Variants in SLC25A24 observed in about 807,000 individuals in gnomAD.
SLC25A24 encodes the protein mitochondrial adenyl nucleotide antiporter SLC25A24.
SLC25A24 carries 49 observed loss-of-function variants against 60.7 expected under a neutral mutation model. That is an observed-to-expected ratio of 0.81 (90% CI 0.64 to 1.02). SLC25A24 has a LOEUF of 1.02. SLC25A24 is among the 50% of genes least tolerant of loss of function. The pLI, the probability that SLC25A24 is intolerant of heterozygous loss-of-function variation, is 0.00. For missense variants in SLC25A24, 564 were observed against 586.3 expected, an observed-to-expected ratio of 0.96 and a Z score of 0.39; for synonymous variants, 202 against 200.6, an observed-to-expected ratio of 1.01 and a Z score of -0.06.
intron 3 of SLC25A24, among the ~76,000 whole-genome samples, chr1:108,174,820 T>A (rs1217931610): frequency 6.6e-6 from 1 of 152,204 alleles, no homozygotes; most frequent in Non-Finnish European, 1.5e-5. Flanking sequence ...AGCTTTAAGA[T>A]TTGACTATTC....
At chr1:108,148,441 C>T in intron 6 of SLC25A24, 55 bp from the exon 7 acceptor site, 1 of 961,096 alleles carries the variant, frequency 1.0e-6, no homozygotes, top group Middle Eastern at 2.5e-4. Context: ...CTGAGCTGCA[C>T]CCCCACCAAA....
intron 1 of SLC25A24, among the ~76,000 whole-genome samples, chr1:108,189,690 C>G (rs1326111937): frequency 1.3e-5 from 2 of 151,692 alleles, no homozygotes; most frequent in East Asian, 1.9e-4. Flanking sequence ...GTGGCACACG[C>G]CTGTAGTCCC....
chr1:108,136,832 A>C lies in SLC25A24; in HGVS notation c.1255T>G (p.Leu419Val). The C allele has an allele frequency of 6.2e-7, 1 of 1,612,510 alleles. No individual in the cohort carries two copies. The highest frequency in any genetic ancestry group is 1.1e-5 in the South Asian group (1 of 90,600). ...ATATTCAGCTGTGGGGAACCTTCTA[A>C]CATGGCTAAAAAATAAAAAAAGAGG... is the stretch of plus-strand genomic sequence containing the variant. Reference protein sequence around the residue: ...VRTRMQAQAMLEGSPQLNMVG... With the variant: ...VRTRMQAQAMVEGSPQLNMVG... Residue 419 changes from leucine to valine, a missense_variant, in exon 10 of 10, where the codon TTA (leucine) becomes GTA (valine). Transcript: ENST00000565488.
chr1:108,157,529 C>G lies in SLC25A24; in HGVS notation c.602G>C (p.Gly201Ala). The change falls in exon 5 of 10, where the codon GGA becomes GCA. Residue 201 changes from glycine (G) to alanine (A), a missense_variant. Physicochemically the swap from Gly to Ala is moderately conservative, Grantham distance 60. Transcript: ENST00000565488. ...SGQWWRQLLA[G>A]GIAGAVSRTS... ...TCGAGAGACAGCACCAGCAATGCCT[C>G]CTGCCAAAAGCTGCCTCCACCATTG... The G allele has an allele frequency of 2.5e-6, 4 of 1,614,162 alleles. No homozygotes were observed. The highest frequency in any genetic ancestry group is 3.4e-6 in the Non-Finnish European group (4 of 1,180,038).
chr1:108,139,577 A>G lies in SLC25A24; in HGVS notation c.1099-369T>C, dbSNP rs538511595. 6.1e-4 allele frequency among the ~76,000 whole-genome samples: 93 copies of G among 152,292 alleles called. No homozygotes were observed. The South Asian group carries it at 0.016, about 27-fold the overall frequency. On this transcript the variant is annotated intron_variant, in intron 8 of 9. Transcript: ENST00000565488. ...ATTTGAGCCTTACAGAAACTCTTACATAAATCTATTATTCTGATTTTAGAA... is the reference window on the plus strand; with the variant it reads ...ATTTGAGCCTTACAGAAACTCTTACGTAAATCTATTATTCTGATTTTAGAA...
chr1:108,173,087 T>A (rs2101630175), intron 3 of SLC25A24, among the ~76,000 whole-genome samples: 1 of 152,124 alleles, frequency 6.6e-6, no homozygotes, highest in South Asian at 2.1e-4. Flanking sequence ...AAAAGACAGT[T>A]CAGATATGGT....
In SLC25A24 at chr1:108,136,543, G is replaced by GA. The variant is rs1315638418; in HGVS notation, c.*109dup. On this transcript the variant is annotated 3_prime_UTR_variant, in exon 10 of 10. Transcript: ENST00000565488. The stretch of plus-strand genomic sequence containing the variant: ...CCATTGTTACCATCTTCCCTTTTGT[G>GA]AAAAAAATGCAGCTTCTTTTGCCAT... 6 of 913,598 alleles carry GA rather than the reference G, an allele frequency of 6.6e-6. No homozygotes were observed. The highest frequency in any genetic ancestry group is 1.7e-5 in the African/African-American group (1 of 59,734). 56.6% of individuals were successfully genotyped at this position (913,598 alleles called of 1,614,324 possible).
rs1276004799 is a variant in SLC25A24 at position 108,182,008 on chromosome 1, T to C, written c.331A>G (p.Ile111Val). The C allele has an allele frequency of 1.9e-6, 3 of 1,610,862 alleles. No homozygotes were observed. Among genetic ancestry groups the C allele is most frequent in the Non-Finnish European group, 2.5e-6 (3 of 1,177,748 alleles). ...NNDGKIEASE[I>V]VQSLQTLGLT... ...CCCAGTGTCTGGAGAGACTGGACAA[T>C]TTCTGAAGCCTCAATTTTTCCTTTA... The change falls in exon 3 of 10, where the codon ATT becomes GTT. Residue 111 changes from isoleucine to valine, a missense_variant. Transcript: ENST00000565488.
At chr1:108,189,214 A>G (rs1226629627) in intron 1 of SLC25A24, among the ~76,000 whole-genome samples, 1 of 152,204 alleles carries the variant, frequency 6.6e-6, no homozygotes, top group African/African-American at 2.4e-5. Context: ...TGGCAAATCA[A>G]GAGTTATGAT....
intron 9 of SLC25A24, among the ~76,000 whole-genome samples, chr1:108,137,981 C>T (rs1679334224): frequency 6.6e-6 from 1 of 152,216 alleles, no homozygotes; most frequent in Non-Finnish European, 1.5e-5. Context: ...TTCACACATG[C>T]TTTCCCTCAA....
rs754816387 is a variant in SLC25A24, at chr1:108,200,166, G to A, written c.-28C>T. The A allele has an allele frequency of 2.0e-6, 3 of 1,533,518 alleles. No individual in the cohort carries two copies. The highest frequency in any genetic ancestry group is 1.2e-5 in the South Asian group (1 of 83,446). 95.0% of individuals were successfully genotyped at this position (1,533,518 alleles called of 1,614,324 possible). A position where few individuals can be genotyped will look rare whatever the true frequency, so the allele number is the denominator to read the frequency against. On this transcript the variant is annotated 5_prime_UTR_variant, in exon 1 of 10. Transcript: ENST00000565488. ...TCCCAGAGGCGCAGGCGGCCTGGCC[G>A]AGGAAGTCACGGGAGATCGAGGGCT...
chr1:108,152,418 TTGCAA>T (rs1679781229), intron 6 of SLC25A24, among the ~76,000 whole-genome samples: 1 of 152,094 alleles, frequency 6.6e-6, no homozygotes. Flanking sequence ...CCAGGCTAGA[TTGCAA>T]TGGTGTGATC....
At chr1:108,140,820 A>C (rs1285234703) in intron 8 of SLC25A24, among the ~76,000 whole-genome samples, 2 of 1,144 alleles carry the variant, frequency 1.7e-3, no homozygotes, top group Non-Finnish European at 0.062. Context: ...ATATCACTAC[A>C]AAAAAAAAAA....
intron 4 of SLC25A24, among the ~76,000 whole-genome samples, chr1:108,158,365 CG>C (rs1679960125): frequency 6.6e-6 from 1 of 152,014 alleles, no homozygotes; most frequent in South Asian, 2.1e-4. Flanking sequence ...AAGAGTGCAA[CG>C]GGGAGGAGCT....
In SLC25A24 at chr1:108,148,497, T is replaced by A. The variant is rs887101617; in HGVS notation, c.823-111A>T. 17 of 684,232 alleles carry A rather than the reference T, an allele frequency of 2.5e-5. No homozygotes were observed. The East Asian group carries it at 4.4e-4, about 18-fold the overall frequency. The allele number at this position is 684,232 out of a possible 1,614,324, so 42.4% of individuals were successfully genotyped here. ...CCTCCCATGTGATGGTATTAGGAGATGAGGCTTCTGGAGGTAATTAGGGTT... is the reference window on the plus strand; with the variant it reads ...CCTCCCATGTGATGGTATTAGGAGAAGAGGCTTCTGGAGGTAATTAGGGTT... On this transcript the variant is annotated intron_variant, in intron 6 of 9. Transcript: ENST00000565488.
intron 3 of SLC25A24, among the ~76,000 whole-genome samples, chr1:108,177,512 T>A (rs1336518825): frequency 6.6e-6 from 1 of 152,142 alleles, no homozygotes; most frequent in Non-Finnish European, 1.5e-5. Flanking sequence ...ATGCTGCCCA[T>A]GACAGACTCA....
chr1:108,165,114 T>C (rs1680207768), intron 3 of SLC25A24, among the ~76,000 whole-genome samples: 1 of 149,818 alleles, frequency 6.7e-6, no homozygotes, highest in South Asian at 2.1e-4. Context: ...TGAGTGAAAT[T>C]CTTAATCCTG....
chr1:108,182,123 T>G, intron 2 of SLC25A24, 95 bp from the exon 3 acceptor site: 1 of 867,618 alleles, frequency 1.2e-6, no homozygotes, highest in Non-Finnish European at 1.8e-6. Context: ...GAGAAAGCTT[T>G]AAACTGATTA....
chr1:108,197,811 C>T (rs1022168046), intron 1 of SLC25A24, among the ~76,000 whole-genome samples: 1 of 152,126 alleles, frequency 6.6e-6, no homozygotes, highest in Non-Finnish European at 1.5e-5. Context: ...TTGTTTGTCC[C>T]CACAAAAACT....
Sources: allele counts gnomAD v4.1 joint callset (sites outside exome capture counted in the v4.1 genomes callset), GRCh38; gene constraint gnomAD v4.1.1; transcripts MANE v1.5; gene names NCBI Gene and HGNC (gene_info 2026-07-23, HGNC 2026-07-21).